Variants in ADGRL3 observed in about 807,000 individuals in gnomAD.
ADGRL3 encodes calcium-independent alpha-latrotoxin receptor 3.
In ADGRL3, 62 loss-of-function variants were observed where a neutral mutation model predicts 153.5. The observed-to-expected ratio is 0.40, with a 90% CI of 0.33 to 0.50. The LOEUF is 0.50. Ranked by LOEUF, ADGRL3 falls within the 20% of genes least tolerant of loss-of-function variation. ADGRL3 has a pLI of 0.47. For synonymous variants in ADGRL3, 710 were observed against 672.5 expected (o/e 1.06, Z -0.86); for missense variants, 1,641 against 1,859.4 (o/e 0.88, Z 2.16).
intron 5 of ADGRL3, among the ~76,000 whole-genome samples, chr4:61,620,500 C>G (rs1268670747): frequency 6.6e-6 from 1 of 152,032 alleles, no homozygotes; most frequent in East Asian, 1.9e-4. Flanking sequence ...CGAAAGAAGC[C>G]TAGGTACTTG....
At chr4:62,044,141 C>T (rs10222780) in intron 24 of ADGRL3, among the ~76,000 whole-genome samples, 3,983 of 151,904 alleles carry the variant, frequency 0.026, 184 homozygotes, top group African/African-American at 0.092. Context: ...CTAATTCTGT[C>T]TGAAGATATA....
Position 61,638,767 on chromosome 4 carries a change from G to A in ADGRL3, c.474-38059G>A, listed in dbSNP as rs188356188. ...TATCCCTCCCCTGTAGAGGCATAAT[G>A]TTGCTCATATGTTTATCCAGAATTG... On this transcript the variant is annotated intron_variant, in intron 5 of 26. Coordinates refer to ENST00000683033, the MANE Select transcript of ADGRL3 (RefSeq NM_001387552.1). Among the ~76,000 whole-genome samples, 5 of 152,264 alleles carry A rather than the reference G, an allele frequency of 3.3e-5. No homozygotes were observed. In the East Asian group the frequency reaches 9.7e-4, roughly 29 times the overall value.
At chr4:61,306,752 A>G (rs1424547367) in intron 1 of ADGRL3, among the ~76,000 whole-genome samples, 1 of 152,112 alleles carries the variant, frequency 6.6e-6, no homozygotes, top group Non-Finnish European at 1.5e-5. Flanking sequence ...CAACTATGCA[A>G]CCACCACCCC....
intron 6 of ADGRL3, among the ~76,000 whole-genome samples, chr4:61,720,318 G>A (rs2096217930): frequency 6.6e-6 from 1 of 150,776 alleles, no homozygotes; most frequent in Non-Finnish European, 1.5e-5. Context: ...TCCAACTCCC[G>A]ACCTCGTGAT....
At chr4:61,719,406 T>C (rs1257416031) in intron 6 of ADGRL3, among the ~76,000 whole-genome samples, 1 of 152,124 alleles carries the variant, frequency 6.6e-6, no homozygotes, top group African/African-American at 2.4e-5. Context: ...TGATGGTCAC[T>C]GAAGAATGAA....
intron 1 of ADGRL3, among the ~76,000 whole-genome samples, chr4:61,284,790 AG>A (rs1041445288): frequency 6.6e-6 from 1 of 151,414 alleles, no homozygotes; most frequent in African/African-American, 2.4e-5. Flanking sequence ...CTTGTGGGGG[AG>A]GGGGTGGAAA....
intron 2 of ADGRL3, among the ~76,000 whole-genome samples, chr4:61,471,944 A>G (rs1466591904): frequency 2.6e-5 from 4 of 152,098 alleles, no homozygotes; most frequent in African/African-American, 4.8e-5. Context: ...TTATTACAAT[A>G]CAATTATTGT....
intron 8 of ADGRL3, among the ~76,000 whole-genome samples, chr4:61,780,365 G>A (rs1489755343): frequency 3.3e-5 from 5 of 152,192 alleles, no homozygotes; most frequent in African/African-American, 9.6e-5. Flanking sequence ...AGGCAGTCAT[G>A]CAGTGTTTTG....
intron 1 of ADGRL3, among the ~76,000 whole-genome samples, chr4:61,345,203 A>G (rs1458648428): frequency 2.0e-5 from 3 of 152,104 alleles, no homozygotes; most frequent in South Asian, 4.1e-4. Flanking sequence ...ATTTAAAAAT[A>G]ATTATGTTGG....
intron 6 of ADGRL3, among the ~76,000 whole-genome samples, chr4:61,708,542 AT>A (rs1365870796): frequency 2.0e-5 from 3 of 150,736 alleles, no homozygotes; most frequent in South Asian, 2.1e-4. Context: ...TGGATGATTT[AT>A]TTTTTTTCCA....
chr4:61,258,446 T>G (rs1205486365), intron 1 of ADGRL3, among the ~76,000 whole-genome samples: 2 of 152,188 alleles, frequency 1.3e-5, no homozygotes, highest in African/African-American at 4.8e-5. Flanking sequence ...GTTCTGCTCC[T>G]CTGGGATGAG....
chr4:61,371,046 T>C (rs1405084323), intron 1 of ADGRL3, among the ~76,000 whole-genome samples: 20 of 151,342 alleles, frequency 1.3e-4, no homozygotes, highest in African/African-American at 4.8e-4. Flanking sequence ...GAGACTAGGA[T>C]TGCAACCCCT....
intron 4 of ADGRL3, among the ~76,000 whole-genome samples, chr4:61,548,043 A>C (rs2098722247): frequency 6.6e-6 from 1 of 151,880 alleles, no homozygotes; most frequent in East Asian, 1.9e-4. Flanking sequence ...AGTGATGTTG[A>C]GTATTTTTTC....
At position 61,847,790 on chromosome 4, in the gene ADGRL3, A is replaced by G. The variant is rs1395989058; in HGVS notation, c.1480+33901A>G. Among the ~76,000 whole-genome samples, 55 of 27,870 alleles carry G rather than the reference A, an allele frequency of 2.0e-3. 7 individuals are homozygous for G. Among genetic ancestry groups the G allele is most frequent in the African/African-American group, 5.6e-3 (47 of 8,442 alleles). 18.3% of individuals were successfully genotyped at this position (27,870 alleles called of 152,430 possible). ...ATATATATATAATACAAAATATATT[A>G]TATATATAATATAAAATATATTATA... is the stretch of plus-strand genomic sequence containing the variant. On this transcript the variant is annotated intron_variant, in intron 9 of 26. Coordinates refer to ENST00000683033, the MANE Select transcript of ADGRL3 (RefSeq NM_001387552.1).
chr4:61,521,026 C>G (rs1012288965), intron 4 of ADGRL3, among the ~76,000 whole-genome samples: 1 of 152,080 alleles, frequency 6.6e-6, no homozygotes, highest in African/African-American at 2.4e-5. Flanking sequence ...GGTAAATATC[C>G]TTTATCTAAT....
intron 13 of ADGRL3, among the ~76,000 whole-genome samples, chr4:61,921,995 C>A (rs935411098): frequency 2.1e-4 from 32 of 152,108 alleles, no homozygotes; most frequent in African/African-American, 7.7e-4. Flanking sequence ...AACTACTAAA[C>A]TAAATAATGG....
chr4:62,007,395 C>CATATATAT (rs112126943), intron 21 of ADGRL3, among the ~76,000 whole-genome samples: 9 of 76,434 alleles, frequency 1.2e-4, no homozygotes, highest in African/African-American at 4.7e-4. Flanking sequence ...CACACACACA[C>CATATATAT]ATATATATAT....
intron 25 of ADGRL3, 112 bp downstream of exon 25, chr4:62,044,661 G>A: frequency 1.6e-6 from 1 of 640,170 alleles, no homozygotes; most frequent in South Asian, 2.7e-5. Context: ...TAGAAACATT[G>A]TAAGAACATA....
At chr4:62,031,138 C>A (rs1222236158) in intron 22 of ADGRL3, among the ~76,000 whole-genome samples, 1 of 151,602 alleles carries the variant, frequency 6.6e-6, no homozygotes. Context: ...TGTTGCCATT[C>A]ACCATAATTA....
Sources: gnomAD v4.1 joint callset for allele counts (sites outside exome capture counted in the v4.1 genomes callset) on GRCh38, gnomAD v4.1.1 for gene constraint, MANE v1.5 for transcripts, NCBI Gene and HGNC (gene_info 2026-07-23, HGNC 2026-07-21) for gene names.